Variants in C10orf90 observed in about 807,000 individuals in gnomAD.
The protein encoded by C10orf90 is (E2-independent) E3 ubiquitin-conjugating enzyme FATS.
A neutral mutation model predicts 62.5 loss-of-function variants in C10orf90; 56 were observed. That is an observed-to-expected ratio of 0.90 (90% CI 0.72 to 1.12). The LOEUF is 1.12. C10orf90 is among the 50% of genes most tolerant of loss of function. The pLI is 0.00. For synonymous variants in C10orf90, 386 were observed against 340.4 expected, an observed-to-expected ratio of 1.13 and a Z score of -1.47; for missense variants, 970 against 880.4, an observed-to-expected ratio of 1.10 and a Z score of -1.29.
At position 126,504,865 on chromosome 10, in the gene C10orf90, G is replaced by C; in HGVS notation, c.626C>G (p.Pro209Arg). 11 of 1,613,130 alleles carry C rather than the reference G, an allele frequency of 6.8e-6. No individual in the cohort carries two copies. The highest frequency in any genetic ancestry group is 9.3e-6 in the Non-Finnish European group (11 of 1,179,378). The stretch of plus-strand genomic sequence containing the variant: ...TGCCTCAGGTCCTCGCTCATCTGAC[G>C]GTGCCGGGATTCCTAATCTGCCCGG... The part of the protein sequence containing the change: ...LLPGRLGIPA[P>R]SDERGPEAEL... Residue 209 changes from proline (P) to arginine (R), a missense_variant, in exon 4 of 10, where the codon CCG (proline) becomes CGG (arginine). Pro to Arg is a moderately radical substitution (Grantham distance 103, BLOSUM62 -2). Coordinates refer to ENST00000488181, the MANE Select transcript of C10orf90 (RefSeq NM_001350921.2). The surrounding 1 kb of genome is among the most constrained non-coding windows in gnomAD (Gnocchi z 4.1).
chr10:126,499,096 G>C (rs1182645937), intron 4 of C10orf90, among the ~76,000 whole-genome samples: 2 of 152,196 alleles, frequency 1.3e-5, no homozygotes, highest in East Asian at 1.9e-4. Context: ...CTGCTTGTTA[G>C]TGTAAATAAA....
At chr10:126,621,957 C>T (rs1383130176) in intron 2 of C10orf90, among the ~76,000 whole-genome samples, 1 of 151,784 alleles carries the variant, frequency 6.6e-6, no homozygotes, top group Non-Finnish European at 1.5e-5. Context: ...CCCTGCCCCA[C>T]ACCACCCCCT....
In C10orf90 at chr10:126,504,126, G is replaced by A. The variant is rs188164906; in HGVS notation, c.1365C>T (p.Gly455=). 1.5e-5 allele frequency: 25 copies of A among 1,614,076 alleles called. No homozygotes were observed. In the East Asian group the frequency reaches 5.1e-4, roughly 33 times the overall value. ...GAAAAGAACCACTCCAAGGACAAGCGCCGGTCCCCAAATGCACCCGCCTCA... is the reference window on the plus strand; with the variant it reads ...GAAAAGAACCACTCCAAGGACAAGCACCGGTCCCCAAATGCACCCGCCTCA... The part of the protein sequence containing the change: ...PSLRRVHLGT[G]ACPWSGSFPL... The change falls in exon 4 of 10, where the codon GGC becomes GGT. Residue 455 remains glycine (G), a synonymous_variant. Transcript: ENST00000488181. This position sits in a 1 kb window ranked among gnomAD's most constrained non-coding sequence, Gnocchi z 4.1.
chr10:126,621,836 A>G (rs762991438), intron 2 of C10orf90, among the ~76,000 whole-genome samples: 2 of 152,194 alleles, frequency 1.3e-5, no homozygotes, highest in Non-Finnish European at 2.9e-5. Context: ...ACTCATCAAT[A>G]TGCAGCTATT....
intron 2 of C10orf90, among the ~76,000 whole-genome samples, chr10:126,632,233 A>G (rs1845864603): frequency 6.6e-6 from 1 of 151,792 alleles, no homozygotes; most frequent in Non-Finnish European, 1.5e-5. Flanking sequence ...TTGGGTTCTA[A>G]TGCTGTGTTG....
chr10:126,521,338 A>G (rs75670278), intron 2 of C10orf90: 2 of 1,613,986 alleles, frequency 1.2e-6, no homozygotes, highest in Non-Finnish European at 1.7e-6. Flanking sequence ...TGAGGTTTCA[A>G]AGCCATTTTA....
intron 7 of C10orf90, among the ~76,000 whole-genome samples, chr10:126,444,278 G>T (rs1858594512): frequency 6.6e-6 from 1 of 151,914 alleles, no homozygotes; most frequent in African/African-American, 2.4e-5. Context: ...AAACCCTAAA[G>T]ATCCCTCCAT....
chr10:126,580,028 G>T (rs1163902932), intron 2 of C10orf90, among the ~76,000 whole-genome samples: 1 of 152,154 alleles, frequency 6.6e-6, no homozygotes, highest in Non-Finnish European at 1.5e-5. Context: ...TGTGGGTATT[G>T]GTGCTATGAG....
rs1857816583 is a variant in C10orf90 at position 126,434,838 on chromosome 10, T to C, written c.2189-4988A>G. On this transcript the variant is annotated intron_variant, in intron 7 of 9. Transcript: ENST00000488181. Reference sequence around the variant, plus strand: ...CAGGGTTTAAACTTGAACATTTCTGTTCAGCTCACCATGGTGGACCCTCTA... The same window carrying C: ...CAGGGTTTAAACTTGAACATTTCTGCTCAGCTCACCATGGTGGACCCTCTA... Among the ~76,000 whole-genome samples the C allele has an allele frequency of 2.0e-5, 3 of 152,322 alleles. No individual in the cohort carries two copies. The South Asian group carries it at 6.2e-4, about 32-fold the overall frequency.
chr10:126,445,805 G>A (rs1043553435), intron 7 of C10orf90, among the ~76,000 whole-genome samples: 62 of 100,718 alleles, frequency 6.2e-4, no homozygotes, highest in African/African-American at 1.9e-3. Context: ...AAACTGTGGT[G>A]TATATATATA....
At chr10:126,628,197 T>C (rs1017041451) in intron 2 of C10orf90, among the ~76,000 whole-genome samples, 9 of 152,160 alleles carry the variant, frequency 5.9e-5, no homozygotes, top group Non-Finnish European at 1.0e-4. Flanking sequence ...ATTGGACAAA[T>C]GAGACAAGGC....
At chr10:126,479,876 A>G (rs758557062) in intron 4 of C10orf90, among the ~76,000 whole-genome samples, 1 of 152,238 alleles carries the variant, frequency 6.6e-6, no homozygotes, top group Non-Finnish European at 1.5e-5. Context: ...ATAATAGCAG[A>G]CTGGTTACTT....
At chr10:126,565,125 TA>T (rs1288997890) in intron 2 of C10orf90, among the ~76,000 whole-genome samples, 15 of 38,626 alleles carry the variant, frequency 3.9e-4, no homozygotes, top group African/African-American at 1.5e-3. Flanking sequence ...TTATATAATA[TA>T]TAATATAAAT....
At chr10:126,649,284 G>A (rs376273913) in intron 1 of C10orf90, among the ~76,000 whole-genome samples, 95 of 152,186 alleles carry the variant, frequency 6.2e-4, no homozygotes, top group Admixed American at 1.2e-3. Flanking sequence ...AAGACTTGGC[G>A]TGGACTCTAC....
chr10:126,570,180 T>A (rs1844477374), intron 2 of C10orf90, among the ~76,000 whole-genome samples: 1 of 152,256 alleles, frequency 6.6e-6, no homozygotes, highest in Admixed American at 6.5e-5. Flanking sequence ...CTCTCTGCCT[T>A]TGATTCCCCT....
At chr10:126,510,894 C>T (rs531755720) in intron 3 of C10orf90, among the ~76,000 whole-genome samples, 25 of 152,182 alleles carry the variant, frequency 1.6e-4, no homozygotes, top group Non-Finnish European at 2.6e-4. Context: ...ACTGGAGAGG[C>T]GATGCCTCCA....
At position 126,453,035 on chromosome 10, in the gene C10orf90, C is replaced by T. The variant is rs138953202; in HGVS notation, c.2188+6005G>A. On this transcript the variant is annotated intron_variant, in intron 7 of 9. Transcript: ENST00000488181. The surrounding 1 kb of genome is among the most constrained non-coding windows in gnomAD (Gnocchi z 4.9). ...CACCTCTGTCTCCTGTCTCCTGGGT[C>T]GCATCTTCAGCTAGATGCTCTGGGA... Among the ~76,000 whole-genome samples the T allele has an allele frequency of 2.3e-4, 35 of 152,104 alleles. No homozygotes were observed. Among genetic ancestry groups the T allele is most frequent in the African/African-American group, 8.2e-4 (34 of 41,420 alleles).
chr10:126,646,496 A>G, intron 2 of C10orf90, 69 bp downstream of exon 2: 1 of 246,254 alleles, frequency 4.1e-6, no homozygotes. Flanking sequence ...TAAAAATAAA[A>G]GAGAGAGAGA....
At chr10:126,600,676 A>AT (rs1845181577) in intron 2 of C10orf90, among the ~76,000 whole-genome samples, 1 of 152,136 alleles carries the variant, frequency 6.6e-6, no homozygotes, top group Admixed American at 6.5e-5. Context: ...GATACGATGT[A>AT]TTACAGTCCC....
Sources: gnomAD v4.1 joint callset for allele counts (sites outside exome capture counted in the v4.1 genomes callset) on GRCh38, gnomAD v4.1.1 for gene constraint, Gnocchi (gnomAD v3.1) non-coding constraint, MANE v1.5 for transcripts, NCBI Gene and HGNC (gene_info 2026-07-23, HGNC 2026-07-21) for gene names.